Variants in ARHGAP10 observed in about 807,000 individuals in gnomAD.
ARHGAP10 encodes the protein Rho GTPase activating protein 10, also known as rho GTPase-activating protein 10.
Under a neutral mutation model 108.6 loss-of-function variants are expected in ARHGAP10, and 87 were observed. The ratio of observed to expected loss-of-function variants is 0.80; its 90% CI spans 0.67 to 0.96. ARHGAP10 has a LOEUF of 0.96. Among genes scored for constraint, ARHGAP10 ranks in the 40% least tolerant of loss-of-function variants. The pLI is 0.00. For synonymous variants in ARHGAP10, 347 were observed against 341.1 expected (o/e 1.02, Z -0.19); for missense variants, 939 against 954.5 (o/e 0.98, Z 0.21).
intron 1 of ARHGAP10, among the ~76,000 whole-genome samples, chr4:147,818,037 G>A (rs1354965293): frequency 6.6e-6 from 1 of 152,168 alleles, no homozygotes; most frequent in Non-Finnish European, 1.5e-5. Context: ...GGACATTGGT[G>A]GGAGTCTGAG....
chr4:147,737,314 C>A (rs1315306010), intron 1 of ARHGAP10, among the ~76,000 whole-genome samples: 1 of 149,534 alleles, frequency 6.7e-6, no homozygotes, highest in Non-Finnish European at 1.5e-5. Flanking sequence ...CCATGCCCAG[C>A]TAATTTTTGT....
chr4:147,735,133 A>C (rs985540482), intron 1 of ARHGAP10, among the ~76,000 whole-genome samples: 1 of 152,236 alleles, frequency 6.6e-6, no homozygotes, highest in African/African-American at 2.4e-5. Flanking sequence ...AGCAATCTGC[A>C]AATATTTAGC....
intron 4 of ARHGAP10, among the ~76,000 whole-genome samples, chr4:147,856,433 G>A (rs1006413596): frequency 8.5e-5 from 13 of 152,298 alleles, no homozygotes; most frequent in Admixed American, 2.6e-4. Flanking sequence ...TGCTATACAG[G>A]TCGATCATCC....
intron 13 of ARHGAP10, among the ~76,000 whole-genome samples, chr4:147,918,724 A>G (rs138356839): frequency 6.6e-6 from 1 of 152,194 alleles, no homozygotes; most frequent in African/African-American, 2.4e-5. Context: ...TTAATTCACT[A>G]TCACTGGGAG....
At chr4:148,057,620 A>G (rs1010386447) in intron 20 of ARHGAP10, among the ~76,000 whole-genome samples, 6 of 152,198 alleles carry the variant, frequency 3.9e-5, no homozygotes, top group East Asian at 3.8e-4. Flanking sequence ...GATGTTGACT[A>G]TGGTAGCATC....
intron 18 of ARHGAP10, among the ~76,000 whole-genome samples, chr4:148,021,594 C>G (rs956072540): frequency 3.9e-5 from 6 of 152,082 alleles, no homozygotes; most frequent in Non-Finnish European, 8.8e-5. Context: ...CCAGTGGAGT[C>G]ATATTTCCTG....
chr4:148,047,149 A>G (rs1174188830), intron 20 of ARHGAP10, 98 bp downstream of exon 20: 17 of 1,433,416 alleles, frequency 1.2e-5, no homozygotes, highest in East Asian at 2.4e-5. Context: ...TGCTGAAGCC[A>G]TTAGATCTAG....
At chr4:147,932,555 A>G (rs1004523489) in intron 13 of ARHGAP10, among the ~76,000 whole-genome samples, 5 of 152,118 alleles carry the variant, frequency 3.3e-5, no homozygotes, top group Admixed American at 2.6e-4. Flanking sequence ...ATGCAGAAAC[A>G]GAAAACCAAA....
chr4:147,756,153 A>G (rs1729365210), intron 1 of ARHGAP10, among the ~76,000 whole-genome samples: 1 of 151,914 alleles, frequency 6.6e-6, no homozygotes, highest in African/African-American at 2.4e-5. Context: ...AAAGAAAAAA[A>G]AGAAAGGGAG....
At chr4:147,743,567 C>T (rs1342035947) in intron 1 of ARHGAP10, among the ~76,000 whole-genome samples, 2 of 151,978 alleles carry the variant, frequency 1.3e-5, no homozygotes, top group Non-Finnish European at 2.9e-5. Flanking sequence ...CACCTGAGGT[C>T]GGGAGTTGGA....
At chr4:147,902,715 TG>T (rs1227788769) in intron 10 of ARHGAP10, among the ~76,000 whole-genome samples, 2 of 152,082 alleles carry the variant, frequency 1.3e-5, no homozygotes, top group East Asian at 3.8e-4. Flanking sequence ...CACTCCAGTC[TG>T]GGAGACAGAG....
chr4:147,752,376 AT>A (rs1729190512), intron 1 of ARHGAP10, among the ~76,000 whole-genome samples: 1 of 152,178 alleles, frequency 6.6e-6, no homozygotes. Context: ...AAAGGAAGTC[AT>A]TTTCATATAA....
chr4:147,790,634 G>C (rs2126745600), intron 1 of ARHGAP10, among the ~76,000 whole-genome samples: 1 of 152,264 alleles, frequency 6.6e-6, no homozygotes. Flanking sequence ...TAGATTCTGT[G>C]CCAAAGGGAT....
chr4:148,006,787 G>A (rs937350268), intron 18 of ARHGAP10, among the ~76,000 whole-genome samples: 1 of 152,172 alleles, frequency 6.6e-6, no homozygotes, highest in Non-Finnish European at 1.5e-5. Context: ...AACCTGCCAG[G>A]TGATTAGTTA....
intron 1 of ARHGAP10, among the ~76,000 whole-genome samples, chr4:147,739,361 TCAG>T (rs1236831975): frequency 6.6e-6 from 1 of 152,294 alleles, no homozygotes; most frequent in East Asian, 1.9e-4. Flanking sequence ...GTTCAGGCAG[TCAG>T]CAGCAGGCCT....
chr4:148,054,109 T>C (rs1271143375), intron 20 of ARHGAP10, among the ~76,000 whole-genome samples: 1 of 152,240 alleles, frequency 6.6e-6, no homozygotes, highest in African/African-American at 2.4e-5. Flanking sequence ...CTTGATGCCA[T>C]TGTTGTAATT....
chr4:147,956,840 A>G (rs76091072), intron 16 of ARHGAP10, among the ~76,000 whole-genome samples: 6,628 of 151,952 alleles, frequency 0.044, 151 homozygotes, highest in African/African-American at 0.057. Context: ...AATGACCACA[A>G]TCATTAGTAT....
intron 18 of ARHGAP10, among the ~76,000 whole-genome samples, chr4:147,976,597 A>G (rs1209896865): frequency 6.6e-6 from 1 of 151,896 alleles, no homozygotes; most frequent in Non-Finnish European, 1.5e-5. Context: ...GAGTGTTTAA[A>G]AAGAGACTTT....
chr4:147,940,479 A>G (rs1183105035), intron 14 of ARHGAP10, among the ~76,000 whole-genome samples: 2 of 152,192 alleles, frequency 1.3e-5, no homozygotes, highest in Non-Finnish European at 2.9e-5. Context: ...TATGTGAATG[A>G]CAAAGCGCTT....
Sources: gnomAD v4.1 joint callset for allele counts (sites outside exome capture counted in the v4.1 genomes callset) on GRCh38, gnomAD v4.1.1 for gene constraint, MANE v1.5 for transcripts, NCBI Gene and HGNC (gene_info 2026-07-23, HGNC 2026-07-21) for gene names.